Variants in MYO10 observed in about 807,000 individuals in gnomAD.
MYO10 encodes the protein unconventional myosin-X.
A neutral mutation model predicts 257.3 loss-of-function variants in MYO10; 133 were observed. That is an observed-to-expected ratio of 0.52 (90% CI 0.45 to 0.60). The LOEUF is 0.60. MYO10 is among the 20% of genes least tolerant of loss of function. The pLI, the probability that MYO10 is intolerant of heterozygous loss-of-function variation, is 0.00. For synonymous variants in MYO10, 1,104 were observed against 1,028.6 expected (o/e 1.07, Z -1.40); for missense variants, 2,399 against 2,635.7 (o/e 0.91, Z 1.97).
chr5:16,925,912 T>C (rs1045899168), intron 1 of MYO10, among the ~76,000 whole-genome samples: 2 of 152,132 alleles, frequency 1.3e-5, no homozygotes, highest in Admixed American at 6.6e-5. Flanking sequence ...GCATCCCTAA[T>C]AAAAAATCCA....
chr5:16,714,840 T>G (rs1274310422), intron 19 of MYO10, among the ~76,000 whole-genome samples: 1 of 151,748 alleles, frequency 6.6e-6, no homozygotes, highest in African/African-American at 2.4e-5. Flanking sequence ...AAAAACAAAT[T>G]GTAGCAGGGA....
At chr5:16,851,857 C>T (rs1001384186) in intron 2 of MYO10, among the ~76,000 whole-genome samples, 16 of 151,844 alleles carry the variant, frequency 1.1e-4, no homozygotes, top group Admixed American at 3.3e-4. Context: ...TAGAGACCAG[C>T]CTGGCCAACA....
intron 1 of MYO10, among the ~76,000 whole-genome samples, chr5:16,920,319 C>A (rs953425114): frequency 6.6e-6 from 1 of 152,020 alleles, no homozygotes; most frequent in African/African-American, 2.4e-5. Flanking sequence ...TGTTCCTGAA[C>A]AATGCAATAT....
At chr5:16,709,952 A>G (rs1738521629) in intron 21 of MYO10, among the ~76,000 whole-genome samples, 1 of 152,204 alleles carries the variant, frequency 6.6e-6, no homozygotes, top group Non-Finnish European at 1.5e-5. Context: ...AAGCCTAAGT[A>G]CTTTTCATCA....
rs546417117 is a variant in MYO10 at position 16,756,641 on chromosome 5, C to A, written c.1848+1477G>T. The stretch of plus-strand genomic sequence containing the variant: ...ATTTTGATACCATCTTAAATTCTCA[C>A]GAGGTGTCCTGTCCGGCTGGTGTTC... On this transcript the variant is annotated intron_variant, in intron 18 of 40. Coordinates refer to ENST00000513610, the MANE Select transcript of MYO10 (RefSeq NM_012334.3). Among the ~76,000 whole-genome samples, 6 of 152,144 alleles carry A rather than the reference C, an allele frequency of 3.9e-5. No homozygotes were observed. The East Asian group carries it at 9.6e-4, about 24-fold the overall frequency.
chr5:16,887,942 G>A (rs892269264), intron 1 of MYO10, among the ~76,000 whole-genome samples: 1 of 152,150 alleles, frequency 6.6e-6, no homozygotes, highest in Non-Finnish European at 1.5e-5. Flanking sequence ...AAATTGCTGA[G>A]AGTACCTCAA....
rs1254368767 is a variant in MYO10, at chr5:16,820,748, G to A, written c.121-2581C>T. 3.3e-5 allele frequency among the ~76,000 whole-genome samples: 5 copies of A among 151,848 alleles called. No homozygotes were observed. The East Asian group carries it at 9.6e-4, about 29-fold the overall frequency. ...ACTTGTATTTATAGATACATATTCT[G>A]CTTTCTGGAAATAATCATACATAAT... On this transcript the variant is annotated intron_variant, in intron 2 of 40. Coordinates refer to ENST00000513610, the MANE Select transcript of MYO10 (RefSeq NM_012334.3).
intron 3 of MYO10, among the ~76,000 whole-genome samples, chr5:16,798,444 C>T (rs180813833): frequency 8.6e-4 from 131 of 151,882 alleles, no homozygotes; most frequent in Admixed American, 2.0e-3. Flanking sequence ...TGTCGGAGCA[C>T]TATGGGGAAG....
chr5:16,737,997 C>T lies in MYO10; in HGVS notation c.1929+16831G>A, dbSNP rs1034963539. 1.4e-5 allele frequency: 8 copies of T among 589,346 alleles called. No homozygotes were observed. In the African/African-American group the frequency reaches 1.6e-4, roughly 12 times the overall value. 36.5% of individuals were successfully genotyped at this position (589,346 alleles called of 1,614,324 possible). A position where few individuals can be genotyped will look rare whatever the true frequency, so the allele number is the denominator to read the frequency against. ...ACACATTTCAGTTCAAAGTGCTAAA[C>T]AGGTGAAGCAGAGTAGCACGGAACT... is the stretch of plus-strand genomic sequence containing the variant. On this transcript the variant is annotated intron_variant, in intron 19 of 40. Transcript: ENST00000513610.
At chr5:16,727,126 G>T (rs888249318) in intron 19 of MYO10, among the ~76,000 whole-genome samples, 2 of 152,092 alleles carry the variant, frequency 1.3e-5, no homozygotes, top group African/African-American at 4.8e-5. Flanking sequence ...TTTATTACAT[G>T]TTGAAAGGAT....
chr5:16,926,825 T>C (rs1746146500), intron 1 of MYO10, among the ~76,000 whole-genome samples: 1 of 152,188 alleles, frequency 6.6e-6, no homozygotes, highest in Non-Finnish European at 1.5e-5. Flanking sequence ...GTGAGTTTGC[T>C]AAAATATGGA....
chr5:16,720,448 T>C (rs1480220812), intron 19 of MYO10, among the ~76,000 whole-genome samples: 1 of 151,182 alleles, frequency 6.6e-6, no homozygotes, highest in African/African-American at 2.5e-5. Context: ...TTTATTTATT[T>C]TATTTTATTT....
At chr5:16,703,510 C>G (rs1054954012) in intron 22 of MYO10, among the ~76,000 whole-genome samples, 3 of 152,138 alleles carry the variant, frequency 2.0e-5, no homozygotes, top group Non-Finnish European at 4.4e-5. Flanking sequence ...CACAGCAGGA[C>G]AGCTTTGTGC....
intron 3 of MYO10, among the ~76,000 whole-genome samples, chr5:16,805,411 A>G (rs1742242465): frequency 6.9e-6 from 1 of 145,226 alleles, no homozygotes; most frequent in African/African-American, 2.6e-5. Context: ...GCAGTGAACC[A>G]TCATGGCACT....
chr5:16,690,001 G>T, intron 27 of MYO10, 82 bp from the exon 28 acceptor site: 1 of 1,007,678 alleles, frequency 9.9e-7, no homozygotes, highest in Non-Finnish European at 1.6e-6. Context: ...TGAAGCCAAT[G>T]ACTAGAGTTG....
intron 4 of MYO10, among the ~76,000 whole-genome samples, chr5:16,794,405 G>GT (rs1741868340): frequency 7.3e-6 from 1 of 137,522 alleles, no homozygotes; most frequent in African/African-American, 2.7e-5. Flanking sequence ...AAAAAAAAAG[G>GT]AACAGAATGG....
At chr5:16,766,229 C>T (rs774146760) in intron 10 of MYO10, 31 bp from the exon 11 acceptor site, 11 of 1,539,156 alleles carry the variant, frequency 7.1e-6, no homozygotes, top group African/African-American at 1.4e-5. Flanking sequence ...GTGAATGAAC[C>T]CACCGCCCCC....
At chr5:16,816,010 C>A (rs1742595215) in intron 3 of MYO10, among the ~76,000 whole-genome samples, 1 of 143,372 alleles carries the variant, frequency 7.0e-6, no homozygotes, top group South Asian at 2.2e-4. Context: ...AACATTAGGT[C>A]GATTTGACAA....
Position 16,699,362 on chromosome 5 carries a change from C to T in MYO10, c.3556+88G>A, listed in dbSNP as rs995957520. On this transcript the variant is annotated intron_variant, in intron 26 of 40. Coordinates refer to ENST00000513610, the MANE Select transcript of MYO10 (RefSeq NM_012334.3). ...ATCAGCCCAGATACAATAACACCTC[C>T]GTTATTTCCCACCGCCATCCATCAG... The T allele has an allele frequency of 4.7e-6, 7 of 1,497,872 alleles. No individual in the cohort carries two copies. In the Admixed American group the frequency reaches 7.9e-5, roughly 17 times the overall value. The allele number at this position is 1,497,872 out of a possible 1,614,324, so 92.8% of individuals were successfully genotyped here. A position where few individuals can be genotyped will look rare whatever the true frequency, so the allele number is the denominator to read the frequency against.
Sources: gnomAD v4.1 joint callset for allele counts (sites outside exome capture counted in the v4.1 genomes callset) on GRCh38, gnomAD v4.1.1 for gene constraint, MANE v1.5 for transcripts, NCBI Gene and HGNC (gene_info 2026-07-23, HGNC 2026-07-21) for gene names.